The following CAPRIN2 variants were observed in gnomAD, a reference collection of about 807,000 sequenced individuals.
The protein encoded by CAPRIN2 is caprin family member 2.
Under a neutral mutation model 130.4 loss-of-function variants are expected in CAPRIN2, and 66 were observed. That is an observed-to-expected ratio of 0.51 (90% CI 0.42 to 0.62). CAPRIN2 has a LOEUF of 0.62. CAPRIN2 is among the 20% of genes least tolerant of loss of function. The probability of loss-of-function intolerance (pLI) is 0.00; values close to 1 mark genes in which losing one functional copy is unlikely to be tolerated. For synonymous variants in CAPRIN2, 471 were observed against 444.1 expected, an observed-to-expected ratio of 1.06 and a Z score of -0.76; for missense variants, 1,185 against 1,246.6, an observed-to-expected ratio of 0.95 and a Z score of 0.74.
intron 3 of CAPRIN2, among the ~76,000 whole-genome samples, chr12:30,740,709 C>T (rs762985301): frequency 6.6e-6 from 1 of 152,066 alleles, no homozygotes; most frequent in Non-Finnish European, 1.5e-5. Context: ...AATAAATATA[C>T]CTTGTCAAAA....
In CAPRIN2 at chr12:30,753,384, A is replaced by G. The variant is rs1409115514; in HGVS notation, c.380T>C (p.Ile127Thr). 2 of 1,613,434 alleles carry G rather than the reference A, an allele frequency of 1.2e-6. No individual in the cohort carries two copies. Among genetic ancestry groups the G allele is most frequent in the Admixed American group, 1.7e-5 (1 of 59,976 alleles). ...GTTTCTAATTTTGTGTTTAAGGCAT[A>G]TGAGTCCATTTTCAATATAGGTCTC... is the stretch of plus-strand genomic sequence containing the variant. Residue 127 changes from isoleucine (I) to threonine (T), a missense_variant, in exon 1 of 17, where the codon ATA becomes ACA. Ile to Thr is a moderately conservative substitution (Grantham distance 89). Coordinates refer to ENST00000298892, the Ensembl canonical transcript of CAPRIN2.
chr12:30,720,722 A>T, intron 12 of CAPRIN2, 89 bp downstream of exon 13: 1 of 776,320 alleles, frequency 1.3e-6, no homozygotes, highest in Non-Finnish European at 2.2e-6. Context: ...ATGTTACATC[A>T]TTCAACTAAT....
At chr12:30,752,587 AAAAG>A (rs1452638987) in intron 1 of CAPRIN2, among the ~76,000 whole-genome samples, 1 of 151,820 alleles carries the variant, frequency 6.6e-6, no homozygotes, top group Non-Finnish European at 1.5e-5. Context: ...AAAAAAAAAA[AAAAG>A]AGTCAACCAG....
chr12:30,738,784 CA>C (rs544758153), intron 3 of CAPRIN2, among the ~76,000 whole-genome samples: 1 of 152,012 alleles, frequency 6.6e-6, no homozygotes, highest in East Asian at 1.9e-4. Flanking sequence ...TACATGTGGC[CA>C]AAAAGCATAT....
chr12:30,731,112 T>C (rs1014933730), intron 6 of CAPRIN2, among the ~76,000 whole-genome samples: 3 of 152,198 alleles, frequency 2.0e-5, no homozygotes, highest in African/African-American at 4.8e-5. Context: ...AACCAATGTA[T>C]TCTTTTGGGA....
At chr12:30,717,024 C>T (rs905612710) in intron 12 of CAPRIN2, among the ~76,000 whole-genome samples, 2 of 152,192 alleles carry the variant, frequency 1.3e-5, no homozygotes, top group Admixed American at 1.3e-4. Flanking sequence ...CTGTGGAAAA[C>T]AGTATGCTGC....
chr12:30,753,610 C>A, exon 1 of CAPRIN2: 1 of 1,614,118 alleles, frequency 6.2e-7, no homozygotes, highest in Non-Finnish European at 8.5e-7. Flanking sequence ...ACAGATGAGG[C>A]TGAAGGAGGT....
chr12:30,746,731 G>T (rs2139540518), intron 2 of CAPRIN2, among the ~76,000 whole-genome samples: 1 of 152,320 alleles, frequency 6.6e-6, no homozygotes, highest in Non-Finnish European at 1.5e-5. Flanking sequence ...TGAGGAAGCT[G>T]CAGAAGAAAA....
intron 10 of CAPRIN2, among the ~76,000 whole-genome samples, chr12:30,723,969 T>C (rs1338321262): frequency 1.3e-5 from 2 of 152,328 alleles, no homozygotes; most frequent in East Asian, 3.9e-4. Flanking sequence ...GCAGGCTCTT[T>C]TGTTAGTTAC....
At chr12:30,716,750 T>C (rs913001661) in intron 12 of CAPRIN2, 74 bp from the exon 15 acceptor site, 6 of 1,379,554 alleles carry the variant, frequency 4.3e-6, no homozygotes, top group African/African-American at 2.9e-5. Flanking sequence ...TCCAGCAAAA[T>C]TGTACATTCA....
chr12:30,731,500 C>T, exon 6 of CAPRIN2: 2 of 1,612,026 alleles, frequency 1.2e-6, no homozygotes, highest in Non-Finnish European at 1.7e-6. Context: ...GTAGATCCTT[C>T]AAGTGTTTGT....
intron 2 of CAPRIN2, among the ~76,000 whole-genome samples, chr12:30,750,297 T>G (rs17688437): frequency 0.11 from 17,271 of 152,140 alleles, 1,065 homozygotes; most frequent in Middle Eastern, 0.16. Context: ...AGATTTCAGT[T>G]GAAAAACATA....
At chr12:30,749,900 A>C (rs1481659244) in intron 2 of CAPRIN2, among the ~76,000 whole-genome samples, 1 of 152,220 alleles carries the variant, frequency 6.6e-6, no homozygotes, top group South Asian at 2.1e-4. Context: ...GGAGCAATGA[A>C]ATATAGCATG....
At chr12:30,728,797 G>T in exon 8 of CAPRIN2, 1 of 1,614,080 alleles carries the variant, frequency 6.2e-7, no homozygotes, top group Non-Finnish European at 8.5e-7. Flanking sequence ...CAGGATTTTG[G>T]AGTCTCTGGC....
chr12:30,732,820 C>G (rs909731233), intron 5 of CAPRIN2, among the ~76,000 whole-genome samples: 2 of 151,988 alleles, frequency 1.3e-5, no homozygotes, highest in African/African-American at 4.8e-5. Context: ...CATTCATGTA[C>G]AAGTACTTAT....
At chr12:30,712,486 A>G (rs937818926) in intron 15 of CAPRIN2, among the ~76,000 whole-genome samples, 1 of 152,192 alleles carries the variant, frequency 6.6e-6, no homozygotes, top group Non-Finnish European at 1.5e-5. Context: ...TGAGGATCAC[A>G]TAATAACATC....
chr12:30,716,579 C>T (rs748327785), exon 13 of CAPRIN2: 1 of 1,613,958 alleles, frequency 6.2e-7, no homozygotes, highest in Non-Finnish European at 8.5e-7. Context: ...TGTTTGTGTA[C>T]TTGCTGTGGT....
At chr12:30,721,631 G>T (rs1329557649) in intron 11 of CAPRIN2, among the ~76,000 whole-genome samples, 4 of 152,128 alleles carry the variant, frequency 2.6e-5, no homozygotes, top group Non-Finnish European at 5.9e-5. Flanking sequence ...TAAAAATCTG[G>T]CAATAGCAAG....
chr12:30,729,289 AAT>A lies in CAPRIN2; in HGVS notation c.1139_1140del (p.Tyr380PhefsTer16). On this transcript the variant is annotated frameshift_variant, in exon 8 of 17. Transcript: ENST00000298892. LOFTEE classifies it high-confidence loss of function. ...GGTTGCTCTTCGCCTTGTTTGTTTG[AAT>A]AATCTACTTCTGTCATATAGCGTCT... 1 of 1,592,176 alleles carries A rather than the reference AAT, an allele frequency of 6.3e-7. No individual in the cohort carries two copies. Among genetic ancestry groups the A allele is most frequent in the Admixed American group, 1.8e-5 (1 of 55,450 alleles).
Sources: gnomAD v4.1 joint callset for allele counts (sites outside exome capture counted in the v4.1 genomes callset) on GRCh38, gnomAD v4.1.1 for gene constraint, MANE v1.5 for transcripts, NCBI Gene and HGNC (gene_info 2026-07-23, HGNC 2026-07-21) for gene names.